Variants in MCF2L2 observed in about 807,000 individuals in gnomAD.
MCF2L2 encodes MCF.2 cell line derived transforming sequence-like 2.
A neutral mutation model predicts 150.2 loss-of-function variants in MCF2L2; 102 were observed. That is an observed-to-expected ratio of 0.68 (90% CI 0.58 to 0.80). The LOEUF (loss-of-function observed/expected upper bound fraction) is 0.80, where lower values mean the gene tolerates loss of function less well. Among genes scored for constraint, MCF2L2 ranks in the 30% least tolerant of loss-of-function variants. MCF2L2 has a pLI of 0.00. For missense variants in MCF2L2, 1,256 were observed against 1,372.8 expected (o/e 0.91, Z 1.34); for synonymous variants, 465 against 491.3 (o/e 0.95, Z 0.71).
At chr3:183,180,025 T>C (rs780821127) in intron 28 of MCF2L2, 46 bp downstream of exon 28, 57 of 1,436,280 alleles carry the variant, frequency 4.0e-5, no homozygotes, top group Non-Finnish European at 5.4e-5. Context: ...AGCTGATGAA[T>C]AGGAAGGAGG....
At chr3:183,313,311 C>T (rs575550018) in intron 7 of MCF2L2, among the ~76,000 whole-genome samples, 19 of 151,902 alleles carry the variant, frequency 1.3e-4, no homozygotes, top group South Asian at 4.2e-4. Context: ...AAAGGAGAAA[C>T]GCCATATTGG....
intron 5 of MCF2L2, among the ~76,000 whole-genome samples, chr3:183,328,394 T>C (rs1022747207): frequency 2.0e-5 from 3 of 152,070 alleles, no homozygotes; most frequent in African/African-American, 7.2e-5. Flanking sequence ...AAAATTAGCA[T>C]CTGAAGTGGG....
intron 1 of MCF2L2, among the ~76,000 whole-genome samples, chr3:183,393,033 T>C (rs1005462190): frequency 5.9e-5 from 9 of 152,142 alleles, no homozygotes; most frequent in Non-Finnish European, 1.2e-4. Flanking sequence ...TTCTCACCAG[T>C]AAAAGGGTTT....
chr3:183,219,011 A>G lies in MCF2L2; in HGVS notation c.2370+845T>C, dbSNP rs1723046203. 3.9e-5 allele frequency among the ~76,000 whole-genome samples: 6 copies of G among 152,198 alleles called. No homozygotes were observed. In the South Asian group the frequency reaches 1.0e-3, roughly 26 times the overall value. ...GTCTCAAGTGTTTCTTGCTAAAACC[A>G]GAATATTCTATAGGAAAGGGAAGAG... On this transcript the variant is annotated intron_variant, in intron 21 of 29. Coordinates refer to ENST00000328913, the MANE Select transcript of MCF2L2 (RefSeq NM_015078.4).
chr3:183,404,611 C>T (rs1288762567), intron 1 of MCF2L2, among the ~76,000 whole-genome samples: 2 of 152,210 alleles, frequency 1.3e-5, no homozygotes, highest in Admixed American at 1.3e-4. Context: ...GCCTGTAATC[C>T]CAGCACTTTG....
chr3:183,271,761 T>C (rs1726802750), intron 15 of MCF2L2: 1 of 166,980 alleles, frequency 6.0e-6, no homozygotes, highest in African/African-American at 2.4e-5. Flanking sequence ...TTTTTAAATA[T>C]TCAATATTGG....
intron 12 of MCF2L2, 166 bp downstream of exon 12, chr3:183,296,810 G>A (rs990740967): frequency 1.4e-5 from 9 of 626,450 alleles, no homozygotes; most frequent in Middle Eastern, 4.3e-4. Context: ...ATGCCAGGAC[G>A]TTCAGGCCGA....
intron 13 of MCF2L2, among the ~76,000 whole-genome samples, chr3:183,293,213 C>T (rs777716259): frequency 2.0e-5 from 3 of 152,132 alleles, no homozygotes; most frequent in Non-Finnish European, 4.4e-5. Flanking sequence ...GTGACAATAT[C>T]GCACAAGATA....
At chr3:183,374,891 G>A (rs1000581803) in intron 3 of MCF2L2, 7 of 152,080 alleles carry the variant, frequency 4.6e-5, no homozygotes, top group African/African-American at 9.7e-5. Context: ...AGGGAGGCAG[G>A]AGCCTAGGAG....
chr3:183,328,901 C>T (rs1730157223), intron 5 of MCF2L2, among the ~76,000 whole-genome samples: 1 of 152,076 alleles, frequency 6.6e-6, no homozygotes, highest in African/African-American at 2.4e-5. Flanking sequence ...AGAACATATA[C>T]AGATGGAAAA....
chr3:183,317,149 C>T (rs1729636194), intron 7 of MCF2L2, among the ~76,000 whole-genome samples: 1 of 152,118 alleles, frequency 6.6e-6, no homozygotes, highest in Non-Finnish European at 1.5e-5. Flanking sequence ...TTTTGGTTTT[C>T]CTGGCAAGTA....
At chr3:183,400,318 C>T in intron 1 of MCF2L2, 1 of 424,502 alleles carries the variant, frequency 2.4e-6, no homozygotes, top group Admixed American at 2.7e-5. Context: ...AAAACACATA[C>T]ATAAAACACA....
intron 15 of MCF2L2, among the ~76,000 whole-genome samples, chr3:183,231,693 A>G (rs533680045): frequency 1.3e-5 from 2 of 151,482 alleles, no homozygotes; most frequent in East Asian, 3.9e-4. Flanking sequence ...TGCTACTTTC[A>G]AGCAATCCTC....
At chr3:183,309,624 T>C (rs1729268270) in intron 10 of MCF2L2, 92 bp downstream of exon 10, 2 of 1,562,376 alleles carry the variant, frequency 1.3e-6, no homozygotes, top group East Asian at 4.5e-5. Flanking sequence ...TCCTGTGTCC[T>C]TTAGCAACCT....
chr3:183,286,027 C>T (rs1043160108), intron 14 of MCF2L2, among the ~76,000 whole-genome samples: 2 of 152,170 alleles, frequency 1.3e-5, no homozygotes, highest in East Asian at 1.9e-4. Flanking sequence ...TCCCAGATGA[C>T]GTCAGTGAGC....
chr3:183,412,692 C>A (rs1199947772), intron 1 of MCF2L2, among the ~76,000 whole-genome samples: 1 of 152,212 alleles, frequency 6.6e-6, no homozygotes, highest in Non-Finnish European at 1.5e-5. Flanking sequence ...CCTTTCCAAT[C>A]TGGATGCCTT....
chr3:183,205,799 T>C (rs1722448519), intron 25 of MCF2L2, 77 bp downstream of exon 25: 2 of 1,067,200 alleles, frequency 1.9e-6, no homozygotes, highest in Admixed American at 2.1e-5. Context: ...TCTTTCACAA[T>C]ATCCCCAATT....
In MCF2L2 at chr3:183,385,100, A is replaced by T. The variant is rs974604991; in HGVS notation, c.160+4596T>A. Among the ~76,000 whole-genome samples the T allele has an allele frequency of 4.3e-4, 65 of 152,266 alleles. 1 individual carries two copies. Among genetic ancestry groups the T allele is most frequent in the Non-Finnish European group, 7.3e-5 (5 of 68,046 alleles). ...ACTAGATTTCAAAGACTTAGAATAA[A>T]AAAGGTAAAATCCCAAAAATGTTGA... On this transcript the variant is annotated intron_variant, in intron 2 of 29. Transcript: ENST00000328913.
chr3:183,411,453 A>C (rs1216622998), intron 1 of MCF2L2, among the ~76,000 whole-genome samples: 1 of 152,212 alleles, frequency 6.6e-6, no homozygotes, highest in East Asian at 1.9e-4. Context: ...AACACCCGAA[A>C]GGGAGCCAAT....
Sources: gnomAD v4.1 joint callset for allele counts (sites outside exome capture counted in the v4.1 genomes callset) on GRCh38, gnomAD v4.1.1 for gene constraint, MANE v1.5 for transcripts, NCBI Gene and HGNC (gene_info 2026-07-23, HGNC 2026-07-21) for gene names.